The following HDLBP variants were observed in gnomAD, a reference collection of about 807,000 sequenced individuals.
HDLBP encodes high density lipoprotein binding protein, also known as vigilin.
Under a neutral mutation model 137.3 loss-of-function variants are expected in HDLBP, and 30 were observed. The observed-to-expected ratio is 0.22, with a 90% CI of 0.16 to 0.30. The LOEUF (loss-of-function observed/expected upper bound fraction) is 0.30, where lower values mean the gene tolerates loss of function less well. HDLBP is among the 10% of genes least tolerant of loss of function. HDLBP has a pLI of 1.00. For missense variants in HDLBP, 1,119 were observed against 1,667.3 expected, an observed-to-expected ratio of 0.67 and a Z score of 5.73; for synonymous variants, 606 against 596.0, an observed-to-expected ratio of 1.02 and a Z score of -0.24.
intron 24 of HDLBP, among the ~76,000 whole-genome samples, chr2:241,232,520 C>A (rs1451641012): frequency 6.6e-6 from 1 of 152,208 alleles, no homozygotes; most frequent in Non-Finnish European, 1.5e-5. Flanking sequence ...AGGGGATCCA[C>A]CCGCCTCGGC....
At chr2:241,308,352 A>G (rs2075648240) in intron 1 of HDLBP, among the ~76,000 whole-genome samples, 2 of 152,236 alleles carry the variant, frequency 1.3e-5, no homozygotes, top group Non-Finnish European at 2.9e-5. Context: ...AGAAAGAATT[A>G]TAAATTTAAG....
chr2:241,292,809 G>A lies in HDLBP; in HGVS notation c.-103+22761C>T, dbSNP rs557987373. On this transcript the variant is annotated intron_variant, in intron 1 of 27. Coordinates refer to ENST00000310931, the MANE Select transcript of HDLBP (RefSeq NM_005336.6). ...GTATATTTTGAAGTTTTCCCAACAAGGTTTAAAAAAGGAAAAGAAACCTGG... is the reference window on the plus strand; with the variant it reads ...GTATATTTTGAAGTTTTCCCAACAAAGTTTAAAAAAGGAAAAGAAACCTGG... Among the ~76,000 whole-genome samples the A allele has an allele frequency of 2.6e-5, 4 of 152,118 alleles. No homozygotes were observed. In the South Asian group the frequency reaches 8.3e-4, roughly 32 times the overall value.
intron 5 of HDLBP, among the ~76,000 whole-genome samples, chr2:241,258,720 CAAGAT>C (rs903572813): frequency 2.0e-5 from 3 of 152,102 alleles, no homozygotes; most frequent in Non-Finnish European, 2.9e-5. Flanking sequence ...AACAATGACT[CAAGAT>C]AATAAAAAAT....
intron 1 of HDLBP, among the ~76,000 whole-genome samples, chr2:241,300,362 T>C (rs1475850550): frequency 6.6e-6 from 1 of 152,096 alleles, no homozygotes; most frequent in Non-Finnish European, 1.5e-5. Context: ...ACCCACGACA[T>C]GTAACAGGAA....
At chr2:241,268,410 C>T (rs2073837108) in intron 2 of HDLBP, 67 bp downstream of exon 2, 1 of 943,398 alleles carries the variant, frequency 1.1e-6, no homozygotes, top group Non-Finnish European at 1.3e-6. Flanking sequence ...AGAAAATACG[C>T]ATCCCTGCGC....
In HDLBP at chr2:241,247,365, G is replaced by A. The variant is rs1440074567; in HGVS notation, c.1732-223C>T. Reference sequence around the variant, plus strand: ...ATGCAAGTCTACTTTTTGGCTAAGAGAGAGTTCATGTCCCATGCCAGGATC... The same window carrying A: ...ATGCAAGTCTACTTTTTGGCTAAGAAAGAGTTCATGTCCCATGCCAGGATC... On this transcript the variant is annotated intron_variant, in intron 14 of 27. Coordinates refer to ENST00000310931, the MANE Select transcript of HDLBP (RefSeq NM_005336.6). The A allele has an allele frequency of 1.4e-5, 8 of 555,322 alleles. 1 individual carries two copies. The East Asian group carries it at 2.5e-4, about 18-fold the overall frequency. The allele number at this position is 555,322 out of a possible 1,614,324, so 34.4% of individuals were successfully genotyped here. A position where few individuals can be genotyped will look rare whatever the true frequency, so the allele number is the denominator to read the frequency against.
intron 1 of HDLBP, among the ~76,000 whole-genome samples, chr2:241,298,912 TAA>T (rs1203453923): frequency 6.6e-6 from 1 of 152,238 alleles, no homozygotes; most frequent in East Asian, 1.9e-4. Flanking sequence ...TGAAAGAGAC[TAA>T]AGAGATCTGA....
intron 1 of HDLBP, among the ~76,000 whole-genome samples, chr2:241,303,736 A>G (rs1311083708): frequency 6.6e-6 from 1 of 152,228 alleles, no homozygotes; most frequent in Non-Finnish European, 1.5e-5. Flanking sequence ...TATCTCTCAG[A>G]GCCTAAAAAG....
At chr2:241,264,857 T>C (rs1163353218) in intron 3 of HDLBP, among the ~76,000 whole-genome samples, 1 of 151,934 alleles carries the variant, frequency 6.6e-6, no homozygotes, top group Non-Finnish European at 1.5e-5. Context: ...CCTACCCCCA[T>C]CCACATGGCC....
intron 1 of HDLBP, among the ~76,000 whole-genome samples, chr2:241,313,531 G>A (rs1318693247): frequency 6.6e-6 from 1 of 152,090 alleles, no homozygotes; most frequent in Non-Finnish European, 1.5e-5. Flanking sequence ...CACCCGCCTC[G>A]ACCTCCCAAA....
intron 23 of HDLBP, among the ~76,000 whole-genome samples, chr2:241,234,362 G>A (rs1165816075): frequency 6.6e-6 from 1 of 152,214 alleles, no homozygotes; most frequent in Non-Finnish European, 1.5e-5. Context: ...AGACCAAGAA[G>A]AGGGGGCAGC....
chr2:241,256,854 G>T (rs1472366582), intron 5 of HDLBP, 48 bp from the exon 6 acceptor site: 1 of 1,514,688 alleles, frequency 6.6e-7, no homozygotes. Context: ...TGTAGGTTCT[G>T]AAGGAGCATA....
At chr2:241,267,870 G>A in intron 2 of HDLBP, 2 of 985,300 alleles carry the variant, frequency 2.0e-6, no homozygotes, top group South Asian at 9.4e-5. Context: ...AGGGCGCTGA[G>A]TTTCTCATTA....
intron 23 of HDLBP, 80 bp downstream of exon 23, chr2:241,235,041 A>C: frequency 6.5e-7 from 1 of 1,542,590 alleles, no homozygotes; most frequent in Non-Finnish European, 8.8e-7. Context: ...TGGGATCCTG[A>C]AGAACTTCCC....
At position 241,238,956 on chromosome 2, in the gene HDLBP, G is replaced by A. The variant is rs758168577; in HGVS notation, c.2611-169C>T. 6.6e-5 allele frequency among the ~76,000 whole-genome samples: 10 copies of A among 152,228 alleles called. No homozygotes were observed. Among genetic ancestry groups the A allele is most frequent in the Non-Finnish European group, 1.5e-4 (10 of 68,022 alleles). On this transcript the variant is annotated intron_variant, in intron 19 of 27. Coordinates refer to ENST00000310931, the MANE Select transcript of HDLBP (RefSeq NM_005336.6). This position sits in a 1 kb window ranked among gnomAD's most constrained non-coding sequence, Gnocchi z 4.9. Reference sequence around the variant, plus strand: ...TCCAGGCGCAGGGAGGAGGGAGGTAGCAGGACAGGTCTAAGGGGGTGGGCC... The same window carrying A: ...TCCAGGCGCAGGGAGGAGGGAGGTAACAGGACAGGTCTAAGGGGGTGGGCC...
chr2:241,231,176 G>A (rs1574829424), intron 24 of HDLBP: 6 of 460,074 alleles, frequency 1.3e-5, no homozygotes, highest in South Asian at 5.1e-5. Context: ...CCTGAGGTCC[G>A]GAATTCGTGA....
At chr2:241,246,247 G>C (rs900823441) in intron 16 of HDLBP, among the ~76,000 whole-genome samples, 4 of 152,010 alleles carry the variant, frequency 2.6e-5, no homozygotes, top group African/African-American at 9.7e-5. Flanking sequence ...AAGCAGACTG[G>C]GGGTTGCCTG....
At chr2:241,290,003 G>C (rs2074957827) in intron 1 of HDLBP, among the ~76,000 whole-genome samples, 1 of 152,140 alleles carries the variant, frequency 6.6e-6, no homozygotes, top group Admixed American at 6.5e-5. Context: ...TATGCAGATG[G>C]GCTGAAGAAA....
intron 1 of HDLBP, among the ~76,000 whole-genome samples, chr2:241,285,236 T>G (rs535139191): frequency 6.6e-6 from 1 of 152,266 alleles, no homozygotes; most frequent in Non-Finnish European, 1.5e-5. Context: ...ATGTTACAGC[T>G]TTTATATGCA....
Sources: gnomAD v4.1 joint callset for allele counts (sites outside exome capture counted in the v4.1 genomes callset) on GRCh38, gnomAD v4.1.1 for gene constraint, Gnocchi (gnomAD v3.1) non-coding constraint, MANE v1.5 for transcripts, NCBI Gene and HGNC (gene_info 2026-07-23, HGNC 2026-07-21) for gene names.